The following TESK1 variants were observed in gnomAD, a reference collection of about 807,000 sequenced individuals.
TESK1 encodes testis associated actin remodelling kinase 1, also known as dual specificity testis-specific protein kinase 1.
TESK1 carries 18 observed loss-of-function variants against 59.9 expected under a neutral mutation model. The observed-to-expected ratio is 0.30, with a 90% confidence interval of 0.21 to 0.45. The LOEUF (loss-of-function observed/expected upper bound fraction) is 0.45. Ranked by LOEUF, TESK1 falls within the 20% of genes least tolerant of loss-of-function variation. The pLI, the probability that TESK1 is intolerant of heterozygous loss-of-function variation, is 1.00. For missense variants in TESK1, 748 were observed against 840.9 expected, an observed-to-expected ratio of 0.89 and a Z score of 1.37; for synonymous variants, 341 against 357.4, an observed-to-expected ratio of 0.95 and a Z score of 0.52.
chr9:35,605,914 G>C, intron 1 of TESK1, 70 bp from the exon 2 acceptor site: 1 of 1,607,012 alleles, frequency 6.2e-7, no homozygotes, highest in East Asian at 2.2e-5. Context: ...CCGGGAGTGC[G>C]GGGAAGAGGG....
Position 35,607,043 on chromosome 9 carries a change from G to A in TESK1, c.537+60G>A, listed in dbSNP as rs1822864688. ...GGTTTGAGGCTATTAGGTTGTAACT[G>A]GCCTGTGGATGTTGGAATATGGATA... On this transcript the variant is annotated intron_variant, in intron 4 of 9. Coordinates refer to ENST00000336395, the MANE Select transcript of TESK1 (RefSeq NM_006285.3). This position sits in a 1 kb window ranked among gnomAD's most constrained non-coding sequence, Gnocchi z 4.5. The A allele has an allele frequency of 1.3e-6, 2 of 1,494,932 alleles. No individual in the cohort carries two copies. Among genetic ancestry groups the A allele is most frequent in the African/African-American group, 1.4e-5 (1 of 71,618 alleles). 92.6% of individuals were successfully genotyped at this position (1,494,932 alleles called of 1,614,324 possible). A position where few individuals can be genotyped will look rare whatever the true frequency, so the allele number is the denominator to read the frequency against.
intron 9 of TESK1, 133 bp from the exon 10 acceptor site, chr9:35,608,729 C>T: frequency 8.9e-7 from 1 of 1,119,494 alleles, no homozygotes; most frequent in Non-Finnish European, 1.3e-6. Flanking sequence ...GATGACATCA[C>T]CCCTTTCCAA....
rs555884768 is a variant in TESK1 at position 35,609,925 on chromosome 9, C to T, written c.*183C>T. On this transcript the variant is annotated 3_prime_UTR_variant, in exon 10 of 10. Coordinates refer to ENST00000336395, the MANE Select transcript of TESK1 (RefSeq NM_006285.3). This position sits in a 1 kb window ranked among gnomAD's most constrained non-coding sequence, Gnocchi z 6.7. ...CAGTCGACCCCCCGGCTCGCGTTCC[C>T]GTGGGGATCACTGAACCAGACACAG... The T allele has an allele frequency of 2.2e-5, 14 of 634,430 alleles. No individual in the cohort carries two copies. Among genetic ancestry groups the T allele is most frequent in the African/African-American group, 9.2e-5 (5 of 54,182 alleles). The allele number at this position is 634,430 out of a possible 1,614,324, so 39.3% of individuals were successfully genotyped here.
At position 35,605,531 on chromosome 9, in the gene TESK1, C is replaced by T; in HGVS notation, c.-89C>T. The T allele has an allele frequency of 3.1e-6, 1 of 322,880 alleles. No homozygotes were observed. The allele number at this position is 322,880 out of a possible 1,614,324, so 20.0% of individuals were successfully genotyped here. On this transcript the variant is annotated 5_prime_UTR_variant, in exon 1 of 10. Transcript: ENST00000336395. Reference sequence around the variant, plus strand: ...GAGCCGGAGTCCGGGCGCCCGGGATCGGGCTGGGCCCGCGCCCATGGCAAG... The same window carrying T: ...GAGCCGGAGTCCGGGCGCCCGGGATTGGGCTGGGCCCGCGCCCATGGCAAG...
rs1005922004 is a variant in TESK1 at position 35,609,737 on chromosome 9, T to C, written c.1876T>C (p.Ser626Pro). 6.3e-7 allele frequency: 1 copy of C among 1,588,080 alleles called. No individual in the cohort carries two copies. The highest frequency in any genetic ancestry group is 8.5e-7 in the Non-Finnish European group (1 of 1,173,468). Residue 626 changes from serine to proline, a missense_variant, in exon 10 of 10, where the codon TCT becomes CCT. Physicochemically the swap from Ser to Pro is moderately conservative, Grantham distance 74 (BLOSUM62 -1). Coordinates refer to ENST00000336395, the MANE Select transcript of TESK1 (RefSeq NM_006285.3). The surrounding 1 kb of genome is among the most constrained non-coding windows in gnomAD (Gnocchi z 6.7). ...TPSLQLPGAR[S>P] ...CAGCCTGCAGCTGCCTGGGGCACGC[T>C]CTTAGCAGTGGAGCCCGTGGTCTCA... is the stretch of plus-strand genomic sequence containing the variant.
chr9:35,609,508 G>A lies in TESK1; in HGVS notation c.1647G>A (p.Arg549=), dbSNP rs1235973460. 2 of 1,608,816 alleles carry A rather than the reference G, an allele frequency of 1.2e-6. No individual in the cohort carries two copies. Among genetic ancestry groups the A allele is most frequent in the Non-Finnish European group, 8.5e-7 (1 of 1,177,186 alleles). The change falls in exon 10 of 10, where the codon CGG becomes CGA. Residue 549 remains arginine, a synonymous_variant. Transcript: ENST00000336395. The surrounding 1 kb of genome is among the most constrained non-coding windows in gnomAD (Gnocchi z 6.7). ...TGCCCCGGGCGGCAGCCCTGGAGCG[G>A]ACAGAACCCTCGCCACCCCCTTCAG... ...HSLPRAAALE[R]TEPSPPPSAP...
rs1385373366 is a variant in TESK1 at position 35,610,023 on chromosome 9, G to A, written c.*281G>A. On this transcript the variant is annotated 3_prime_UTR_variant, in exon 10 of 10. Transcript: ENST00000336395. ...CAATAAAACTGCCTGGCTGGCTCCGGGCCGCCCCTATCCGCTCAGCCCGTG... is the reference window on the plus strand; with the variant it reads ...CAATAAAACTGCCTGGCTGGCTCCGAGCCGCCCCTATCCGCTCAGCCCGTG... 2.5e-6 allele frequency: 1 copy of A among 399,694 alleles called. No homozygotes were observed. Among genetic ancestry groups the A allele is most frequent in the Non-Finnish European group, 4.5e-6 (1 of 224,424 alleles). 24.8% of individuals were successfully genotyped at this position (399,694 alleles called of 1,614,324 possible). A position where few individuals can be genotyped will look rare whatever the true frequency, so the allele number is the denominator to read the frequency against.
rs201230682 is a variant in TESK1 at position 35,609,548 on chromosome 9, G to T, written c.1687G>T (p.Asp563Tyr). 2 of 1,613,174 alleles carry T rather than the reference G, an allele frequency of 1.2e-6. No homozygotes were observed. The highest frequency in any genetic ancestry group is 1.7e-6 in the Non-Finnish European group (2 of 1,179,538). Residue 563 changes from aspartate to tyrosine, a missense_variant, in exon 10 of 10, where the codon GAT (aspartate) becomes TAT (tyrosine). Transcript: ENST00000336395. This position sits in a 1 kb window ranked among gnomAD's most constrained non-coding sequence, Gnocchi z 6.7. ...ACCCCCTTCAGCTCCCCGGGAGCCC[G>T]ATGAGGGGCTGCCCTGTCCTGGCTG... ...SPPPSAPREP[D>Y]EGLPCPGCCL...
rs1451924524 is a variant in TESK1, at chr9:35,605,299, G to A, written c.-321G>A. 1.4e-5 allele frequency: 2 copies of A among 147,690 alleles called. No homozygotes were observed. The highest frequency in any genetic ancestry group is 4.0e-4 in the East Asian group (2 of 5,058). 9.1% of individuals were successfully genotyped at this position (147,690 alleles called of 1,614,324 possible). On this transcript the variant is annotated 5_prime_UTR_variant, in exon 1 of 10. Transcript: ENST00000336395. Reference sequence around the variant, plus strand: ...CCGGCGGCTAAGCGGAGCAGCCGCCGCCCGCCCGCCCGCCCGCCTCCGCCC... The same window carrying A: ...CCGGCGGCTAAGCGGAGCAGCCGCCACCCGCCCGCCCGCCCGCCTCCGCCC...
In TESK1 at chr9:35,609,467, C is replaced by A. The variant is rs142237307; in HGVS notation, c.1606C>A (p.Arg536=). ...PQGWAGEPWN[R]AQHSLPRAAA... ...AGGCTGGGCTGGGGAGCCCTGGAAC[C>A]GGGCCCAGCATAGCCTGCCCCGGGC... Residue 536 remains arginine, a synonymous_variant, in exon 10 of 10, where the codon CGG becomes AGG. Coordinates refer to ENST00000336395, the MANE Select transcript of TESK1 (RefSeq NM_006285.3). The surrounding 1 kb of genome is among the most constrained non-coding windows in gnomAD (Gnocchi z 6.7). 1 of 1,606,170 alleles carries A rather than the reference C, an allele frequency of 6.2e-7. No homozygotes were observed. The highest frequency in any genetic ancestry group is 1.3e-5 in the African/African-American group (1 of 74,868).
At chr9:35,606,630 T>G (rs990708910) in intron 3 of TESK1, among the ~76,000 whole-genome samples, 22 of 152,136 alleles carry the variant, frequency 1.4e-4, no homozygotes, top group African/African-American at 5.3e-4. Context: ...ATTAAAAAAT[T>G]TTTTAAATTA....
In TESK1 at chr9:35,609,178, C is replaced by G. The variant is rs1447488761; in HGVS notation, c.1317C>G (p.Pro439=). The change falls in exon 10 of 10, where the codon CCC becomes CCG. Residue 439 remains proline, a synonymous_variant. Transcript: ENST00000336395. This position sits in a 1 kb window ranked among gnomAD's most constrained non-coding sequence, Gnocchi z 6.7. ...GTPARRCRSL[P]SSPELPRRME... ...CTGCCCGCCGCTGCCGCTCACTACC[C>G]TCATCCCCCGAGCTCCCCCGCCGTA... The G allele has an allele frequency of 6.8e-6, 11 of 1,613,578 alleles. No homozygotes were observed. The East Asian group carries it at 1.6e-4, about 23-fold the overall frequency.
At position 35,609,846 on chromosome 9, in the gene TESK1, C is replaced by T. The variant is rs139165251; in HGVS notation, c.*104C>T. ...TGCCAGTTCCAGATGGGCTGACCGG[C>T]TCTTCTCCCCGTGTAGGGGAGCCCC... On this transcript the variant is annotated 3_prime_UTR_variant, in exon 10 of 10. Transcript: ENST00000336395. The surrounding 1 kb of genome is among the most constrained non-coding windows in gnomAD (Gnocchi z 6.7). 1 of 1,339,970 alleles carries T rather than the reference C, an allele frequency of 7.5e-7. No homozygotes were observed. Among genetic ancestry groups the T allele is most frequent in the Admixed American group, 2.8e-5 (1 of 35,496 alleles). 83.0% of individuals were successfully genotyped at this position (1,339,970 alleles called of 1,614,324 possible). A position where few individuals can be genotyped will look rare whatever the true frequency, so the allele number is the denominator to read the frequency against.
rs776428805 is a variant in TESK1 at position 35,609,610 on chromosome 9, G to A, written c.1749G>A (p.Met583Ile). The change falls in exon 10 of 10, where the codon ATG becomes ATA. Residue 583 changes from methionine (M) to isoleucine (I), a missense_variant. Physicochemically the swap from Met to Ile is conservative, Grantham distance 10 (BLOSUM62 1). Coordinates refer to ENST00000336395, the MANE Select transcript of TESK1 (RefSeq NM_006285.3). This position sits in a 1 kb window ranked among gnomAD's most constrained non-coding sequence, Gnocchi z 6.7. ...CCTTCAGCTTTGGCTTCCTGTCCATGTGCCCCCGCCCCACACCAGCTGTTG... is the reference window on the plus strand; with the variant it reads ...CCTTCAGCTTTGGCTTCCTGTCCATATGCCCCCGCCCCACACCAGCTGTTG... ...LGPFSFGFLSMCPRPTPAVAR... is the reference protein window; with the variant it reads ...LGPFSFGFLSICPRPTPAVAR... 4.3e-6 allele frequency: 7 copies of A among 1,611,780 alleles called. No individual in the cohort carries two copies. The highest frequency in any genetic ancestry group is 5.9e-6 in the Non-Finnish European group (7 of 1,179,956).
Position 35,605,729 on chromosome 9 carries a change from G to C in TESK1, c.110G>C (p.Arg37Pro). ...ACGGGCGGAGGCCCGGGCCGGGGCC[G>C]CCCCTCCTCCTACCGGGCTCTCCGC... ...GGTGGGPGRG[R>P]PSSYRALRSA... Residue 37 changes from arginine to proline, a missense_variant, in exon 1 of 10, where the codon CGC becomes CCC. Coordinates refer to ENST00000336395, the MANE Select transcript of TESK1 (RefSeq NM_006285.3). The C allele has an allele frequency of 1.3e-6, 2 of 1,578,082 alleles. No individual in the cohort carries two copies. Among genetic ancestry groups the C allele is most frequent in the Non-Finnish European group, 1.7e-6 (2 of 1,162,304 alleles).
chr9:35,605,453 G>A lies in TESK1; in HGVS notation c.-167G>A. The A allele has an allele frequency of 4.4e-6, 1 of 227,076 alleles. No homozygotes were observed. The highest frequency in any genetic ancestry group is 8.4e-6 in the Non-Finnish European group (1 of 118,582). The allele number at this position is 227,076 out of a possible 1,614,324, so 14.1% of individuals were successfully genotyped here. A position where few individuals can be genotyped will look rare whatever the true frequency, so the allele number is the denominator to read the frequency against. ...GCGTCCACCCGGGCCCAGCCAGCCGGCGCGGCGGGGGCGGGTCCAGGATCT... is the reference window on the plus strand; with the variant it reads ...GCGTCCACCCGGGCCCAGCCAGCCGACGCGGCGGGGGCGGGTCCAGGATCT... On this transcript the variant is annotated 5_prime_UTR_variant, in exon 1 of 10. Coordinates refer to ENST00000336395, the MANE Select transcript of TESK1 (RefSeq NM_006285.3).
chr9:35,605,712 A>AGGCCCG lies in TESK1; in HGVS notation c.98_103dup (p.Pro33_Gly34dup). The AGGCCCG allele has an allele frequency of 6.5e-7, 1 of 1,532,818 alleles. No homozygotes were observed. 95.0% of individuals were successfully genotyped at this position (1,532,818 alleles called of 1,614,324 possible). On this transcript the variant is annotated inframe_insertion, in exon 1 of 10. Transcript: ENST00000336395. ...CCCCGGGGCCGGGGGGCACGGGCGG[A>AGGCCCG]GGCCCGGGCCGGGGCCGCCCCTCCT...
chr9:35,609,957 T>C lies in TESK1; in HGVS notation c.*215T>C. On this transcript the variant is annotated 3_prime_UTR_variant, in exon 10 of 10. Coordinates refer to ENST00000336395, the MANE Select transcript of TESK1 (RefSeq NM_006285.3). The surrounding 1 kb of genome is among the most constrained non-coding windows in gnomAD (Gnocchi z 6.7). ...ATCACTGAACCAGACACAGCATTGC[T>C]GACACATGAGACTAACACGTGCAAT... The C allele has an allele frequency of 3.7e-6, 2 of 543,832 alleles. No individual in the cohort carries two copies. The highest frequency in any genetic ancestry group is 4.8e-4 in the Middle Eastern group (1 of 2,104). The allele number at this position is 543,832 out of a possible 1,614,324, so 33.7% of individuals were successfully genotyped here.
intron 3 of TESK1, 89 bp downstream of exon 3, chr9:35,606,374 C>T: frequency 1.3e-6 from 2 of 1,507,330 alleles, no homozygotes; most frequent in South Asian, 2.3e-5. Context: ...CTACGGAGGA[C>T]TAGTGAGAGG....
Sources: allele counts gnomAD v4.1 joint callset (sites outside exome capture counted in the v4.1 genomes callset), GRCh38; gene constraint gnomAD v4.1.1; non-coding constraint Gnocchi (gnomAD v3.1); transcripts MANE v1.5; gene names NCBI Gene and HGNC (gene_info 2026-07-23, HGNC 2026-07-21).